The following LGI2 variants were observed in gnomAD, a reference collection of about 807,000 sequenced individuals.
LGI2 encodes leucine rich repeat LGI family member 2.
LGI2 carries 30 observed loss-of-function variants against 52.0 expected under a neutral mutation model. The observed-to-expected ratio is 0.58, with a 90% CI of 0.43 to 0.78. The LOEUF is 0.78. Among genes scored for constraint, LGI2 ranks in the 30% least tolerant of loss-of-function variants. The pLI, the probability that LGI2 is intolerant of heterozygous loss-of-function variation, is 0.00. For synonymous variants in LGI2, 270 were observed against 271.8 expected, an observed-to-expected ratio of 0.99 and a Z score of 0.06; for missense variants, 573 against 692.5, an observed-to-expected ratio of 0.83 and a Z score of 1.94.
At chr4:25,012,287 C>T (rs374368265) in intron 7 of LGI2, 48 bp downstream of exon 7, 51 of 1,604,682 alleles carry the variant, frequency 3.2e-5, no homozygotes, top group Non-Finnish European at 4.1e-5. Flanking sequence ...GCGGGCTTGC[C>T]GCAATGCTGA....
Position 25,025,163 on chromosome 4 carries a change from G to A in LGI2, c.342-272C>T, listed in dbSNP as rs56192172. On this transcript the variant is annotated intron_variant, in intron 3 of 7. Transcript: ENST00000382114. ...GGCAACATGGGTAAAAACATCCTGG[G>A]GAGAAATAAAGAAGAAAGCACTATA... Among the ~76,000 whole-genome samples, 524 of 152,184 alleles carry A rather than the reference G, an allele frequency of 3.4e-3. 1 individual carries two copies. Among genetic ancestry groups the A allele is most frequent in the Middle Eastern group, 0.021 (6 of 292 alleles).
the LGI2 span, among the ~76,000 whole-genome samples, chr4:24,993,307 C>T: frequency 2.6e-5 from 4 of 152,094 alleles, no homozygotes; most frequent in Non-Finnish European, 4.4e-5. Context: ...CTGTGTGACC[C>T]GGGGAAGCTC....
chr4:25,021,255 C>T (rs953412436), intron 4 of LGI2, among the ~76,000 whole-genome samples: 1 of 152,154 alleles, frequency 6.6e-6, no homozygotes, highest in Non-Finnish European at 1.5e-5. Context: ...CAAATCATGG[C>T]ACTTACTTTA....
At chr4:25,013,476 C>A (rs141554889) in intron 6 of LGI2, among the ~76,000 whole-genome samples, 52 of 152,284 alleles carry the variant, frequency 3.4e-4, no homozygotes, top group African/African-American at 1.3e-3. Context: ...AGCAGAACAT[C>A]CTGGTGAAGG....
intron 1 of LGI2, 47 bp from the exon 2 acceptor site, chr4:25,028,625 A>C: frequency 6.6e-7 from 1 of 1,523,716 alleles, no homozygotes; most frequent in Non-Finnish European, 9.0e-7. Flanking sequence ...TCTTTTAGGA[A>C]GTGCCATGCA....
At chr4:24,998,290 G>T (rs919824581), downstream of LGI2, among the ~76,000 whole-genome samples, 1 of 152,182 alleles carries the variant, frequency 6.6e-6, no homozygotes, top group African/African-American at 2.4e-5. Flanking sequence ...TGTTCTTGAA[G>T]ATTTTCAGAA....
the LGI2 span, among the ~76,000 whole-genome samples, chr4:24,992,889 C>T: frequency 1.3e-5 from 2 of 152,160 alleles, no homozygotes; most frequent in Non-Finnish European, 1.5e-5. Flanking sequence ...TCTGGATCAG[C>T]ACTTGGCACT....
intron 5 of LGI2, among the ~76,000 whole-genome samples, chr4:25,018,630 G>A (rs377063061): frequency 2.0e-5 from 3 of 152,176 alleles, no homozygotes; most frequent in Admixed American, 2.0e-4. Flanking sequence ...GGGAGGCCAA[G>A]GTAGGCAGAT....
rs2109400166 is a variant in LGI2, at chr4:25,000,067, T to G, written c.*3384A>C. The G allele has an allele frequency of 7.1e-6, 2 of 282,180 alleles. No homozygotes were observed. Among genetic ancestry groups the G allele is most frequent in the Non-Finnish European group, 1.4e-5 (2 of 141,802 alleles). The allele number at this position is 282,180 out of a possible 1,614,324, so 17.5% of individuals were successfully genotyped here. A position where few individuals can be genotyped will look rare whatever the true frequency, so the allele number is the denominator to read the frequency against. On this transcript the variant is annotated 3_prime_UTR_variant, in exon 8 of 8. Transcript: ENST00000382114. Reference sequence around the variant, plus strand: ...ACTTTCAAGAGTGGGGCCTTGAATGTAAAAAGAGTGGGGCATGCAATTGCA... The same window carrying G: ...ACTTTCAAGAGTGGGGCCTTGAATGGAAAAAGAGTGGGGCATGCAATTGCA...
chr4:25,010,267 G>A (rs113123067), intron 7 of LGI2, among the ~76,000 whole-genome samples: 12,017 of 152,032 alleles, frequency 0.079, 716 homozygotes, highest in African/African-American at 0.16. Context: ...GCAACAGAGC[G>A]AGACTCCATC....
At chr4:25,027,332 T>C (rs1726182934) in intron 2 of LGI2, among the ~76,000 whole-genome samples, 1 of 142,368 alleles carries the variant, frequency 7.0e-6, no homozygotes, top group African/African-American at 2.7e-5. Context: ...TTTACGAAAA[T>C]AAAAGCCCAG....
intron 7 of LGI2, among the ~76,000 whole-genome samples, chr4:25,010,545 C>A (rs866581102): frequency 6.6e-6 from 1 of 152,348 alleles, no homozygotes; most frequent in South Asian, 2.1e-4. Flanking sequence ...ATGAGAGAAC[C>A]AAGCTTCAAA....
chr4:25,030,570 A>T lies in LGI2; in HGVS notation c.124T>A (p.Cys42Ser). 1 of 1,590,398 alleles carries T rather than the reference A, an allele frequency of 6.3e-7. No homozygotes were observed. Among genetic ancestry groups the T allele is most frequent in the Non-Finnish European group, 8.5e-7 (1 of 1,170,250 alleles). Residue 42 changes from cysteine to serine, a missense_variant, in exon 1 of 8, where the codon TGT (cysteine) becomes AGT (serine). Cys to Ser is a moderately radical substitution (Grantham distance 112). Coordinates refer to ENST00000382114, the MANE Select transcript of LGI2 (RefSeq NM_018176.4). ...ACGCAGATGATAGACTCCTTGGTAC[A>T]GCTGCAAGTGGCGGGGCAGCGCGCC... is the stretch of plus-strand genomic sequence containing the variant. The part of the protein sequence containing the change: ...RLARCPATCS[C>S]TKESIICVGS...
intron 7 of LGI2, among the ~76,000 whole-genome samples, chr4:25,010,648 C>G (rs989020786): frequency 1.3e-5 from 2 of 152,196 alleles, no homozygotes; most frequent in African/African-American, 4.8e-5. Flanking sequence ...ATGTATGCCT[C>G]CTCTCTCTAA....
chr4:25,029,141 G>C (rs997384910), intron 1 of LGI2, among the ~76,000 whole-genome samples: 29 of 152,150 alleles, frequency 1.9e-4, no homozygotes, highest in African/African-American at 6.0e-4. Flanking sequence ...AAGATGCTTG[G>C]CTTTATTTCT....
intron 3 of LGI2, 96 bp from the exon 4 acceptor site, chr4:25,024,987 T>C: frequency 2.5e-6 from 2 of 792,996 alleles, no homozygotes; most frequent in Admixed American, 5.8e-5. Flanking sequence ...TCTAAAAGTA[T>C]TCCTGAATTA....
At chr4:24,997,241 C>T (rs1725107110), downstream of LGI2, among the ~76,000 whole-genome samples, 1 of 152,196 alleles carries the variant, frequency 6.6e-6, no homozygotes, top group Non-Finnish European at 1.5e-5. Flanking sequence ...TTACTTATGC[C>T]TCCAATTCTT....
chr4:25,013,831 A>T (rs1269845543), intron 6 of LGI2, among the ~76,000 whole-genome samples: 1 of 152,148 alleles, frequency 6.6e-6, no homozygotes, highest in Non-Finnish European at 1.5e-5. Flanking sequence ...CCAAAATAAT[A>T]GTTGCTTGGT....
intron 7 of LGI2, among the ~76,000 whole-genome samples, chr4:25,007,997 G>A (rs1432175227): frequency 6.6e-6 from 1 of 152,222 alleles, no homozygotes; most frequent in Non-Finnish European, 1.5e-5. Flanking sequence ...ACCTAGGGCA[G>A]TGTCCTTGCC....
Sources: allele counts gnomAD v4.1 joint callset (sites outside exome capture counted in the v4.1 genomes callset), GRCh38; gene constraint gnomAD v4.1.1; transcripts MANE v1.5; gene names NCBI Gene and HGNC (gene_info 2026-07-23, HGNC 2026-07-21).